Variants in PTPRO observed in about 807,000 individuals in gnomAD.
The protein encoded by PTPRO is protein tyrosine phosphatase receptor type O.
In PTPRO, 62 loss-of-function variants were observed where a neutral mutation model predicts 145.2. The observed-to-expected ratio is 0.43, with a 90% CI of 0.35 to 0.53. The LOEUF (loss-of-function observed/expected upper bound fraction) is 0.53, where lower values mean the gene tolerates loss of function less well. Among genes scored for constraint, PTPRO ranks in the 20% least tolerant of loss-of-function variants. PTPRO has a pLI of 0.01. For synonymous variants in PTPRO, 565 were observed against 514.7 expected, an observed-to-expected ratio of 1.10 and a Z score of -1.32; for missense variants, 1,345 against 1,482.7, an observed-to-expected ratio of 0.91 and a Z score of 1.53.
At position 15,597,378 on chromosome 12, in the gene PTPRO, T is replaced by C. The variant is rs1944678656; in HGVS notation, c.*1305T>C. The C allele has an allele frequency of 6.6e-6, 1 of 152,240 alleles. No individual in the cohort carries two copies. The highest frequency in any genetic ancestry group is 1.5e-5 in the Non-Finnish European group (1 of 68,048). The allele number at this position is 152,240 out of a possible 1,614,324, so 9.4% of individuals were successfully genotyped here. On this transcript the variant is annotated 3_prime_UTR_variant, in exon 27 of 27. Transcript: ENST00000281171. ...GAGTTGAAAGTAAACACAAGCTGGC[T>C]GCTTCCCTGTGGCAACTGTGGCTAT... is the stretch of plus-strand genomic sequence containing the variant.
At chr12:15,571,688 T>C (rs2135615574) in intron 19 of PTPRO, among the ~76,000 whole-genome samples, 1 of 152,326 alleles carries the variant, frequency 6.6e-6, no homozygotes, top group Admixed American at 6.5e-5. Flanking sequence ...TCTTTCTTGT[T>C]TGTAGTTTGA....
At position 15,503,890 on chromosome 12, in the gene PTPRO, T is replaced by G; in HGVS notation, c.1106-18T>G. On this transcript the variant is annotated intron_variant, in intron 5 of 26. Transcript: ENST00000281171. ...AGGTGTCTATTCATGTATCTTCTCT[T>G]TTTTATATATGATTTAGAGAACTTT... The G allele has an allele frequency of 1.3e-6, 2 of 1,548,600 alleles. No individual in the cohort carries two copies. Among genetic ancestry groups the G allele is most frequent in the South Asian group, 2.2e-5 (2 of 89,364 alleles).
At position 15,503,898 on chromosome 12, in the gene PTPRO, T is replaced by A. The variant is rs4764199; in HGVS notation, c.1106-10T>A. The A allele has an allele frequency of 0.87, 1,356,428 of 1,556,372 alleles. 593,313 individuals carry two copies. The highest frequency in any genetic ancestry group is 0.89 in the Non-Finnish European group (1,004,549 of 1,129,168). The stretch of plus-strand genomic sequence containing the variant: ...ATTCATGTATCTTCTCTTTTTTATA[T>A]ATGATTTAGAGAACTTTACTGAATA... On this transcript the variant is annotated splice_polypyrimidine_tract_variant and intron_variant, in intron 5 of 26. Coordinates refer to ENST00000281171, the MANE Select transcript of PTPRO (RefSeq NM_030667.3).
At chr12:15,457,924 T>G (rs1423845156) in intron 1 of PTPRO, among the ~76,000 whole-genome samples, 1 of 152,232 alleles carries the variant, frequency 6.6e-6, no homozygotes, top group Non-Finnish European at 1.5e-5. Flanking sequence ...TTCTGTTTTG[T>G]CTATATATTT....
At chr12:15,417,719 C>T (rs552532266) in intron 1 of PTPRO, among the ~76,000 whole-genome samples, 11 of 151,876 alleles carry the variant, frequency 7.2e-5, no homozygotes, top group East Asian at 3.9e-4. Context: ...ACTGACGGCA[C>T]GGCTTAACCA....
At chr12:15,342,777 A>C (rs925563991) in intron 1 of PTPRO, among the ~76,000 whole-genome samples, 1 of 152,202 alleles carries the variant, frequency 6.6e-6, no homozygotes, top group African/African-American at 2.4e-5. Context: ...CATGCCTTGA[A>C]AACTAAGCCT....
chr12:15,414,184 G>T (rs1304323453), intron 1 of PTPRO, among the ~76,000 whole-genome samples: 2 of 152,164 alleles, frequency 1.3e-5, no homozygotes, highest in East Asian at 1.9e-4. Flanking sequence ...GTTTAGAAAG[G>T]TCTCCTGTTT....
At position 15,322,706 on chromosome 12, in the gene PTPRO, C is replaced by T. The variant is rs762407319; in HGVS notation, c.-21C>T. On this transcript the variant is annotated 5_prime_UTR_variant, in exon 1 of 27. Transcript: ENST00000281171. This position sits in a 1 kb window ranked among gnomAD's most constrained non-coding sequence, Gnocchi z 6.3. ...GAGTCCGCTAGCGCAGCCGTGCCCC[C>T]GAGTCCCCGTCCGCGCAGCGATGGG... 2 of 1,604,266 alleles carry T rather than the reference C, an allele frequency of 1.2e-6. No homozygotes were observed. Among genetic ancestry groups the T allele is most frequent in the Non-Finnish European group, 8.5e-7 (1 of 1,174,920 alleles).
At chr12:15,520,378 C>T in intron 10 of PTPRO, 66 bp downstream of exon 10, 1 of 1,243,140 alleles carries the variant, frequency 8.0e-7, no homozygotes. Context: ...ACCAAGGTTC[C>T]AAATCTCTAG....
At position 15,432,119 on chromosome 12, in the gene PTPRO, C is replaced by A. The variant is rs79338619; in HGVS notation, c.76-51855C>A. ...ATCCAGGTATTATAATCCTAGTACC[C>A]ATTTGTTATTTTTCCTGATCCTCTT... is the stretch of plus-strand genomic sequence containing the variant. On this transcript the variant is annotated intron_variant, in intron 1 of 26. Coordinates refer to ENST00000281171, the MANE Select transcript of PTPRO (RefSeq NM_030667.3). Among the ~76,000 whole-genome samples, 377 of 152,184 alleles carry A rather than the reference C, an allele frequency of 2.5e-3. 4 individuals carry two copies. Among genetic ancestry groups the A allele is most frequent in the African/African-American group, 8.7e-3 (363 of 41,528 alleles).
chr12:15,448,306 G>A (rs1302679640), intron 1 of PTPRO, among the ~76,000 whole-genome samples: 5 of 114,806 alleles, frequency 4.4e-5, no homozygotes, highest in Non-Finnish European at 6.6e-5. Context: ...TTATATATTT[G>A]CCTTCTTCTC....
At chr12:15,460,630 A>G (rs1941280281) in intron 1 of PTPRO, among the ~76,000 whole-genome samples, 1 of 152,308 alleles carries the variant, frequency 6.6e-6, no homozygotes, top group Non-Finnish European at 1.5e-5. Context: ...CAACCTAGGT[A>G]AGCTATATTC....
At chr12:15,593,513 A>ATG (rs1193818539) in intron 25 of PTPRO, among the ~76,000 whole-genome samples, 1 of 152,216 alleles carries the variant, frequency 6.6e-6, no homozygotes, top group Non-Finnish European at 1.5e-5. Flanking sequence ...GTATGTATAT[A>ATG]TGTGTGTTAC....
At chr12:15,474,137 A>ACAT (rs1416478491) in intron 1 of PTPRO, among the ~76,000 whole-genome samples, 9 of 152,198 alleles carry the variant, frequency 5.9e-5, no homozygotes. Flanking sequence ...AAAAGAAAAA[A>ACAT]CATATATAAA....
intron 16 of PTPRO, among the ~76,000 whole-genome samples, chr12:15,558,719 T>G (rs1943701439): frequency 6.6e-6 from 1 of 152,196 alleles, no homozygotes; most frequent in Non-Finnish European, 1.5e-5. Context: ...GAAATACACA[T>G]GGGAGACTGG....
chr12:15,499,619 C>G (rs754686663), intron 4 of PTPRO, 25 bp downstream of exon 4: 13 of 1,602,372 alleles, frequency 8.1e-6, no homozygotes, highest in Non-Finnish European at 9.4e-6. Flanking sequence ...GAATCAAATA[C>G]AGTGAAAAAA....
At position 15,530,977 on chromosome 12, in the gene PTPRO, AG is replaced by A. The variant is rs1942951180; in HGVS notation, c.2164+4716del. Among the ~76,000 whole-genome samples the A allele has an allele frequency of 2.6e-5, 4 of 152,194 alleles. No homozygotes were observed. The East Asian group carries it at 7.7e-4, about 29-fold the overall frequency. On this transcript the variant is annotated intron_variant, in intron 12 of 26. Transcript: ENST00000281171. ...AGATAAAATCAACAAACCTTTAACTAGACTGAGAAAAAAAGAGAGAAGACCC... is the reference window on the plus strand; with the variant it reads ...AGATAAAATCAACAAACCTTTAACTAACTGAGAAAAAAAGAGAGAAGACCC...
Position 15,549,120 on chromosome 12 carries a change from C to T in PTPRO, c.2331C>T (p.Val777=), listed in dbSNP as rs766523701. 16 of 1,613,340 alleles carry T rather than the reference C, an allele frequency of 9.9e-6. No homozygotes were observed. The Middle Eastern group carries it at 4.9e-4, about 50-fold the overall frequency. Residue 777 remains valine (V), a synonymous_variant, in exon 14 of 27, where the codon GTC becomes GTT. Coordinates refer to ENST00000281171, the MANE Select transcript of PTPRO (RefSeq NM_030667.3). ...LQEPVAVSSH[V]VTISSLLPAT... ...AACCAGTTGCTGTTTCTTCCCATGT[C>T]GTGACCATCTCCAGCCTTCTTCCTG...
rs527641464 is a variant in PTPRO, at chr12:15,494,068, A to G, written c.350-3177A>G. ...AACAATGTTGGATGCTTACAAATAT[A>G]TAAGTTTAAAAAACATGCATGAGAA... On this transcript the variant is annotated intron_variant, in intron 2 of 26. Transcript: ENST00000281171. Among the ~76,000 whole-genome samples the G allele has an allele frequency of 3.3e-4, 50 of 152,348 alleles. No individual in the cohort carries two copies. The Middle Eastern group carries it at 0.017, about 52-fold the overall frequency.
Sources: gnomAD v4.1 joint callset for allele counts (sites outside exome capture counted in the v4.1 genomes callset) on GRCh38, gnomAD v4.1.1 for gene constraint, Gnocchi (gnomAD v3.1) non-coding constraint, MANE v1.5 for transcripts, NCBI Gene and HGNC (gene_info 2026-07-23, HGNC 2026-07-21) for gene names.